CBFA2T2: variants seen among roughly 807,000 people sequenced by gnomAD.
The protein encoded by CBFA2T2 is protein CBFA2T2.
CBFA2T2 carries 11 observed loss-of-function variants against 62.2 expected under a neutral mutation model. The observed-to-expected ratio is 0.18, with a 90% CI of 0.11 to 0.29. The LOEUF is 0.29. Among genes scored for constraint, CBFA2T2 ranks in the 10% least tolerant of loss-of-function variants. The pLI is 1.00. For synonymous variants in CBFA2T2, 295 were observed against 287.5 expected (o/e 1.03, Z -0.27); for missense variants, 592 against 774.1 (o/e 0.76, Z 2.79).
chr20:33,610,567 A>G (rs181022586), intron 2 of CBFA2T2, among the ~76,000 whole-genome samples: 7 of 152,298 alleles, frequency 4.6e-5, no homozygotes, highest in Admixed American at 2.0e-4. Flanking sequence ...TGGATGGCCA[A>G]AGAGATAGGT....
At chr20:33,579,800 T>C (rs2014023915) in intron 1 of CBFA2T2, among the ~76,000 whole-genome samples, 1 of 137,108 alleles carries the variant, frequency 7.3e-6, no homozygotes, top group African/African-American at 3.0e-5. Flanking sequence ...CATCTTGGTG[T>C]CTCTCTCTCT....
At chr20:33,524,649 C>T (rs1185735774) in intron 1 of CBFA2T2, among the ~76,000 whole-genome samples, 1 of 151,726 alleles carries the variant, frequency 6.6e-6, no homozygotes, top group Non-Finnish European at 1.5e-5. Context: ...GAAGACAAAC[C>T]AGGATCAATC....
chr20:33,598,520 T>A (rs946800516), intron 1 of CBFA2T2, among the ~76,000 whole-genome samples: 1 of 152,202 alleles, frequency 6.6e-6, no homozygotes, highest in Non-Finnish European at 1.5e-5. Flanking sequence ...TCTCTCTTAT[T>A]CCCTGAACAA....
At chr20:33,563,146 G>C (rs1413605944) in intron 1 of CBFA2T2, among the ~76,000 whole-genome samples, 1 of 152,142 alleles carries the variant, frequency 6.6e-6, no homozygotes, top group Admixed American at 6.5e-5. Flanking sequence ...AAAACTAACA[G>C]CATCTCTTCG....
At chr20:33,628,090 A>C (rs2016312015) in intron 6 of CBFA2T2, among the ~76,000 whole-genome samples, 1 of 152,210 alleles carries the variant, frequency 6.6e-6, no homozygotes, top group African/African-American at 2.4e-5. Context: ...TATGTATGAC[A>C]TACCTGTTTA....
intron 8 of CBFA2T2, among the ~76,000 whole-genome samples, chr20:33,633,119 C>G (rs2016511654): frequency 6.6e-6 from 1 of 151,830 alleles, no homozygotes; most frequent in South Asian, 2.1e-4. Flanking sequence ...GCCTGTAATC[C>G]CCGCACTTTG....
intron 1 of CBFA2T2, among the ~76,000 whole-genome samples, chr20:33,552,485 T>C (rs1267402243): frequency 6.6e-6 from 1 of 151,592 alleles, no homozygotes; most frequent in Non-Finnish European, 1.5e-5. Context: ...GGGAAATCAG[T>C]GTCTCTTGAA....
chr20:33,525,900 T>C (rs1302438080), intron 1 of CBFA2T2, among the ~76,000 whole-genome samples: 1 of 152,130 alleles, frequency 6.6e-6, no homozygotes, highest in Non-Finnish European at 1.5e-5. Context: ...GCGATCCTTG[T>C]GCCTTGGCCT....
intron 1 of CBFA2T2, among the ~76,000 whole-genome samples, chr20:33,516,727 CT>C: frequency 6.6e-6 from 1 of 152,238 alleles, no homozygotes; most frequent in Admixed American, 6.5e-5. Flanking sequence ...TATTTTCAGG[CT>C]TTTTGGTATA....
At chr20:33,590,330 C>G (rs1258010821) in intron 1 of CBFA2T2, among the ~76,000 whole-genome samples, 1 of 151,840 alleles carries the variant, frequency 6.6e-6, no homozygotes, top group Non-Finnish European at 1.5e-5. Context: ...CCATCAAACC[C>G]TAAGGTAATT....
In CBFA2T2 at chr20:33,640,357, G is replaced by A; in HGVS notation, c.1314G>A (p.Lys438=). Residue 438 remains lysine (K), a synonymous_variant, in exon 10 of 11, where the codon AAG becomes AAA. Transcript: ENST00000342704. ...TTCTTCTAGAAGAAGCTGTGAATAA[G>A]GTGAAAATTCAGGCCATGTCAGAAG... ...FWKKTEEAVN[K]VKIQAMSEVQ... is the part of the protein sequence containing the mutation. 6.2e-7 allele frequency: 1 copy of A among 1,613,696 alleles called. No homozygotes were observed. The highest frequency in any genetic ancestry group is 8.5e-7 in the Non-Finnish European group (1 of 1,179,698).
intron 1 of CBFA2T2, among the ~76,000 whole-genome samples, chr20:33,582,286 C>A (rs1006024883): frequency 2.0e-5 from 3 of 147,562 alleles, no homozygotes; most frequent in African/African-American, 7.5e-5. Flanking sequence ...TGAGGTCAGG[C>A]GAGACCAGCC....
chr20:33,494,239 ATG>A (rs35933932), intron 1 of CBFA2T2, among the ~76,000 whole-genome samples: 14,265 of 27,938 alleles, frequency 0.51, 3,724 homozygotes, highest in Non-Finnish European at 0.65. Flanking sequence ...AGGCATATAT[ATG>A]TGTATATATA....
chr20:33,506,897 T>C (rs1165737840), intron 1 of CBFA2T2, among the ~76,000 whole-genome samples: 1 of 152,190 alleles, frequency 6.6e-6, no homozygotes, highest in Non-Finnish European at 1.5e-5. Flanking sequence ...CTCTGAGGAA[T>C]GGTGTGTTCA....
chr20:33,491,546 C>T (rs1227681215), intron 1 of CBFA2T2, among the ~76,000 whole-genome samples: 1 of 151,850 alleles, frequency 6.6e-6, no homozygotes, highest in Non-Finnish European at 1.5e-5. Flanking sequence ...TTTTTGCACC[C>T]ATTAAATGTT....
rs58955012 is a variant in CBFA2T2, at chr20:33,597,120, C to T, written c.35-9836C>T. 4.0e-3 allele frequency among the ~76,000 whole-genome samples: 604 copies of T among 151,666 alleles called. 5 individuals carry two copies. The highest frequency in any genetic ancestry group is 0.017 in the Middle Eastern group (5 of 294). On this transcript the variant is annotated intron_variant, in intron 1 of 10. Coordinates refer to ENST00000342704, the MANE Select transcript of CBFA2T2 (RefSeq NM_001032999.3). The stretch of plus-strand genomic sequence containing the variant: ...TTTTTTGGTTTTAATTTTGTGGAGC[C>T]GGGGTCTTGCCATCTTGTCCAGGCT...
chr20:33,644,452 C>A lies in CBFA2T2; in HGVS notation c.1594C>A (p.Arg532Ser). The change falls in exon 11 of 11, where the codon CGC (arginine) becomes AGC (serine). Residue 532 changes from arginine (R) to serine (S), a missense_variant. By Grantham distance (110) the Arg-to-Ser change is moderately radical. Coordinates refer to ENST00000342704, the MANE Select transcript of CBFA2T2 (RefSeq NM_001032999.3). ...GCACAAGGACTGGGAGCGGCACCACCGCCTCTGTGGTCAGAACCTGCATGG... is the reference window on the plus strand; with the variant it reads ...GCACAAGGACTGGGAGCGGCACCACAGCCTCTGTGGTCAGAACCTGCATGG... ...CQHKDWERHHRLCGQNLHGQS... is the reference protein window; with the variant it reads ...CQHKDWERHHSLCGQNLHGQS... 6.2e-7 allele frequency: 1 copy of A among 1,614,244 alleles called. No homozygotes were observed. Among genetic ancestry groups the A allele is most frequent in the Non-Finnish European group, 8.5e-7 (1 of 1,180,046 alleles).
Position 33,649,322 on chromosome 20 carries a change from C to T in CBFA2T2, c.*4676C>T, listed in dbSNP as rs1343528598. The T allele has an allele frequency of 1.3e-5, 2 of 152,666 alleles. No homozygotes were observed. Among genetic ancestry groups the T allele is most frequent in the Non-Finnish European group, 2.9e-5 (2 of 68,078 alleles). 9.5% of individuals were successfully genotyped at this position (152,666 alleles called of 1,614,324 possible). On this transcript the variant is annotated 3_prime_UTR_variant, in exon 11 of 11. Transcript: ENST00000342704. ...GCGGTGGGGGCTGTGCCAGCGGCTC[C>T]GCAGGGCCCTTCCAACTCTGGAGTG...
chr20:33,614,536 T>C (rs568988100), intron 3 of CBFA2T2, among the ~76,000 whole-genome samples: 197 of 152,284 alleles, frequency 1.3e-3, no homozygotes, highest in African/African-American at 4.6e-3. Flanking sequence ...CTTGCAAAAC[T>C]GCACCAATTA....
Sources: allele counts gnomAD v4.1 joint callset (sites outside exome capture counted in the v4.1 genomes callset), GRCh38; gene constraint gnomAD v4.1.1; transcripts MANE v1.5; gene names NCBI Gene and HGNC (gene_info 2026-07-23, HGNC 2026-07-21).